The following CACNA1C variants were observed in gnomAD, a reference collection of about 807,000 sequenced individuals.
CACNA1C encodes the protein calcium voltage-gated channel subunit alpha1 C.
CACNA1C carries 30 observed loss-of-function variants against 229.0 expected under a neutral mutation model. That is an observed-to-expected ratio of 0.13 (90% CI 0.10 to 0.18). CACNA1C has a LOEUF of 0.18. CACNA1C is among the 10% of genes least tolerant of loss of function. The probability of loss-of-function intolerance (pLI) is 1.00; values close to 1 mark genes in which losing one functional copy is unlikely to be tolerated. For synonymous variants in CACNA1C, 1,114 were observed against 1,132.5 expected (o/e 0.98, Z 0.33); for missense variants, 1,658 against 2,845.0 (o/e 0.58, Z 9.49).
intron 30 of CACNA1C, among the ~76,000 whole-genome samples, chr12:2,638,976 G>A (rs2093277372): frequency 6.6e-6 from 1 of 152,246 alleles, no homozygotes; most frequent in Admixed American, 6.5e-5. Context: ...GAAGCGACAA[G>A]AGGCAGAGGA....
At chr12:2,476,522 T>C (rs765477182) in intron 5 of CACNA1C, among the ~76,000 whole-genome samples, 3 of 152,238 alleles carry the variant, frequency 2.0e-5, no homozygotes, top group African/African-American at 4.8e-5. Context: ...CGGGAAATGG[T>C]AGTTAATACT....
intron 3 of CACNA1C, among the ~76,000 whole-genome samples, chr12:2,374,933 G>A (rs2097998788): frequency 6.6e-6 from 1 of 152,224 alleles, no homozygotes; most frequent in African/African-American, 2.4e-5. Flanking sequence ...TGGCAGGACA[G>A]CCTCAGAGCT....
intron 29 of CACNA1C, among the ~76,000 whole-genome samples, chr12:2,615,821 T>TG (rs557966991): frequency 3.3e-5 from 5 of 152,098 alleles, no homozygotes; most frequent in Non-Finnish European, 5.9e-5. Flanking sequence ...GCAAGGGTAC[T>TG]GGGGGGGAGG....
intron 42 of CACNA1C, chr12:2,680,612 TAG>T (rs1569231442): frequency 6.6e-7 from 1 of 1,514,358 alleles, no homozygotes. Context: ...CAGAAAATAA[TAG>T]AGAAGTAGCA....
intron 14 of CACNA1C, among the ~76,000 whole-genome samples, chr12:2,582,533 A>G (rs377551884): frequency 7.2e-5 from 11 of 152,358 alleles, no homozygotes; most frequent in African/African-American, 2.2e-4. Context: ...ACCCCCAGGA[A>G]TGGCTGACGG....
intron 3 of CACNA1C, among the ~76,000 whole-genome samples, chr12:2,269,155 A>C (rs1344327889): frequency 1.3e-5 from 2 of 152,230 alleles, no homozygotes; most frequent in African/African-American, 4.8e-5. Flanking sequence ...TACTCAGGGA[A>C]GGGTGAGCAA....
intron 3 of CACNA1C, among the ~76,000 whole-genome samples, chr12:2,200,794 G>C (rs2097560576): frequency 6.6e-6 from 1 of 152,198 alleles, no homozygotes; most frequent in Non-Finnish European, 1.5e-5. Flanking sequence ...GACCCCTCCA[G>C]ATGAGCTGGA....
Position 2,354,008 on chromosome 12 carries a change from A to G in CACNA1C, c.478-94968A>G, listed in dbSNP as rs981860943. 6.6e-6 allele frequency among the ~76,000 whole-genome samples: 1 copy of G among 152,178 alleles called. No homozygotes were observed. The highest frequency in any genetic ancestry group is 1.5e-5 in the Non-Finnish European group (1 of 68,032). On this transcript the variant is annotated intron_variant, in intron 3 of 46. Coordinates refer to ENST00000399655, the MANE Select transcript of CACNA1C (RefSeq NM_000719.7). The surrounding 1 kb of genome is among the most constrained non-coding windows in gnomAD (Gnocchi z 4.6). The stretch of plus-strand genomic sequence containing the variant: ...TCTGGCCACTGTGTTCACACAGGTT[A>G]GAGGAAGGAGAATCTGGAGACAAAT...
intron 3 of CACNA1C, among the ~76,000 whole-genome samples, chr12:2,262,242 C>T (rs1011417953): frequency 3.9e-5 from 6 of 152,228 alleles, no homozygotes; most frequent in African/African-American, 1.4e-4. Context: ...AGTCAGCTGG[C>T]ACTCCCTTGA....
intron 1 of CACNA1C, among the ~76,000 whole-genome samples, chr12:2,058,905 G>A (rs1345981178): frequency 1.1e-4 from 17 of 152,198 alleles, no homozygotes. Flanking sequence ...TAGATGGGGT[G>A]CTTATTTGCT....
rs1429347160 is a variant in CACNA1C, at chr12:2,034,920, C to T, written c.139+63719C>T. ...GGACACCGAATCCAACTTTGCGGGACAGGGGAAGAAGCCTTAGGAGCTGGC... is the reference window on the plus strand; with the variant it reads ...GGACACCGAATCCAACTTTGCGGGATAGGGGAAGAAGCCTTAGGAGCTGGC... On this transcript the variant is annotated intron_variant, in intron 1 of 46. Transcript: ENST00000682462. This position sits in a 1 kb window ranked among gnomAD's most constrained non-coding sequence, Gnocchi z 4.1. Among the ~76,000 whole-genome samples the T allele has an allele frequency of 6.6e-6, 1 of 152,150 alleles. No individual in the cohort carries two copies. The highest frequency in any genetic ancestry group is 1.5e-5 in the Non-Finnish European group (1 of 68,024).
chr12:2,521,804 G>A (rs974568328), intron 9 of CACNA1C, among the ~76,000 whole-genome samples: 11 of 152,060 alleles, frequency 7.2e-5, no homozygotes, highest in African/African-American at 2.4e-4. Flanking sequence ...TTCCAGCCCC[G>A]TTCCCACGCA....
intron 3 of CACNA1C, among the ~76,000 whole-genome samples, chr12:2,443,057 C>T (rs1010855330): frequency 4.6e-5 from 7 of 152,114 alleles, no homozygotes; most frequent in African/African-American, 1.4e-4. Context: ...CATGGTCCCC[C>T]CAAAGTCTTA....
intron 3 of CACNA1C, among the ~76,000 whole-genome samples, chr12:2,236,491 A>G (rs1171688054): frequency 1.3e-5 from 2 of 152,202 alleles, no homozygotes; most frequent in African/African-American, 2.4e-5. Context: ...TTTTTGTTTA[A>G]AAACTAAGTT....
At chr12:2,086,482 C>T (rs2067688340) in intron 1 of CACNA1C, among the ~76,000 whole-genome samples, 1 of 152,116 alleles carries the variant, frequency 6.6e-6, no homozygotes, top group South Asian at 2.1e-4. Flanking sequence ...CCATTTTTAC[C>T]ACTTAGTTGC....
chr12:2,049,659 T>C (rs1488330862), upstream of CACNA1C, among the ~76,000 whole-genome samples: 1 of 152,318 alleles, frequency 6.6e-6, no homozygotes. Flanking sequence ...AAAAGGCTCA[T>C]GCAAATATAA....
At chr12:2,671,308 C>A (rs745487131) in intron 38 of CACNA1C, among the ~76,000 whole-genome samples, 1 of 152,102 alleles carries the variant, frequency 6.6e-6, no homozygotes, top group Non-Finnish European at 1.5e-5. Context: ...CCACCGCGCC[C>A]GGCCAAAACA....
intron 3 of CACNA1C, among the ~76,000 whole-genome samples, chr12:2,233,082 G>A (rs7303977): frequency 0.093 from 14,074 of 152,146 alleles, 1,027 homozygotes; most frequent in East Asian, 0.29. Flanking sequence ...CAAGACCTGG[G>A]CACTAGGTGT....
intron 3 of CACNA1C, among the ~76,000 whole-genome samples, chr12:2,244,857 A>G (rs2072336566): frequency 6.6e-6 from 1 of 152,240 alleles, no homozygotes; most frequent in South Asian, 2.1e-4. Flanking sequence ...ATGCTTCACA[A>G]TGGATACTGG....
Sources: gnomAD v4.1 joint callset for allele counts (sites outside exome capture counted in the v4.1 genomes callset) on GRCh38, gnomAD v4.1.1 for gene constraint, Gnocchi (gnomAD v3.1) non-coding constraint, MANE v1.5 for transcripts, NCBI Gene and HGNC (gene_info 2026-07-23, HGNC 2026-07-21) for gene names.